LSAMP: variants seen among roughly 807,000 people sequenced by gnomAD.
LSAMP encodes the protein limbic system associated membrane protein.
In LSAMP, 7 loss-of-function variants were observed where a neutral mutation model predicts 38.6. That is an observed-to-expected ratio of 0.18 (90% CI 0.10 to 0.34). The LOEUF (loss-of-function observed/expected upper bound fraction) is 0.34. LSAMP is among the 10% of genes least tolerant of loss of function. The pLI, the probability that LSAMP is intolerant of heterozygous loss-of-function variation, is 1.00. For synonymous variants in LSAMP, 154 were observed against 166.8 expected, an observed-to-expected ratio of 0.92 and a Z score of 0.59; for missense variants, 313 against 420.0, an observed-to-expected ratio of 0.75 and a Z score of 2.23.
intron 3 of LSAMP, among the ~76,000 whole-genome samples, chr3:116,016,622 A>G (rs571783598): frequency 1.3e-5 from 2 of 152,274 alleles, no homozygotes; most frequent in South Asian, 2.1e-4. Context: ...AATATTTTAC[A>G]TTTGTGGGCC....
intron 3 of LSAMP, among the ~76,000 whole-genome samples, chr3:115,922,693 T>C (rs1440016363): frequency 6.6e-6 from 1 of 152,166 alleles, no homozygotes; most frequent in Admixed American, 6.6e-5. Context: ...GACTTGCTTT[T>C]ACTGGGGAAG....
chr3:116,129,834 G>A lies in LSAMP; in HGVS notation c.156-43278C>T, dbSNP rs182459581. On this transcript the variant is annotated intron_variant, in intron 1 of 6. Coordinates refer to ENST00000490035, the MANE Select transcript of LSAMP (RefSeq NM_002338.5). ...GAATCCAGCCCTTCGGGGATGTACCGTCTCTTCTGGAGGTCAGCCCAGTGG... is the reference window on the plus strand; with the variant it reads ...GAATCCAGCCCTTCGGGGATGTACCATCTCTTCTGGAGGTCAGCCCAGTGG... 2.8e-4 allele frequency among the ~76,000 whole-genome samples: 42 copies of A among 152,328 alleles called. No homozygotes were observed. In the East Asian group the frequency reaches 5.8e-3, roughly 21 times the overall value.
At chr3:116,078,831 C>G (rs1172499526) in intron 2 of LSAMP, among the ~76,000 whole-genome samples, 1 of 151,990 alleles carries the variant, frequency 6.6e-6, no homozygotes, top group South Asian at 2.1e-4. Flanking sequence ...TTATATTGTT[C>G]CTTCCTTGCC....
At chr3:115,929,371 G>A (rs953384182) in intron 3 of LSAMP, among the ~76,000 whole-genome samples, 3 of 152,018 alleles carry the variant, frequency 2.0e-5, no homozygotes, top group Admixed American at 6.5e-5. Context: ...AAGGTCACAT[G>A]GAATTCTACT....
At position 116,281,383 on chromosome 3, in the gene LSAMP, T is replaced by A. The variant is rs1233255621; in HGVS notation, c.155+163494A>T. ...TGAGACAATCCTTAGTATACCTTCC[T>A]TTGCATTCATGACAATTACTCATTT... On this transcript the variant is annotated intron_variant, in intron 1 of 6. Coordinates refer to ENST00000490035, the MANE Select transcript of LSAMP (RefSeq NM_002338.5). Among the ~76,000 whole-genome samples the A allele has an allele frequency of 3.9e-5, 6 of 152,198 alleles. No individual in the cohort carries two copies. The South Asian group carries it at 6.2e-4, about 16-fold the overall frequency.
At chr3:116,323,091 G>T (rs1559827914) in intron 1 of LSAMP, among the ~76,000 whole-genome samples, 2 of 152,060 alleles carry the variant, frequency 1.3e-5, no homozygotes, top group Non-Finnish European at 2.9e-5. Context: ...CCATTATAAG[G>T]ATATACTTTC....
intron 1 of LSAMP, among the ~76,000 whole-genome samples, chr3:116,106,952 A>T (rs1016535085): frequency 6.6e-6 from 1 of 152,176 alleles, no homozygotes; most frequent in African/African-American, 2.4e-5. Flanking sequence ...TTCCTTGAGG[A>T]TAGATTTCCA....
At chr3:115,839,713 A>C (rs936026216) in intron 6 of LSAMP, among the ~76,000 whole-genome samples, 1 of 152,196 alleles carries the variant, frequency 6.6e-6, no homozygotes, top group African/African-American at 2.4e-5. Flanking sequence ...CATGCTGCCA[A>C]AGACACAACT....
intron 1 of LSAMP, among the ~76,000 whole-genome samples, chr3:116,343,068 C>A (rs2048018016): frequency 6.6e-6 from 1 of 152,022 alleles, no homozygotes; most frequent in Admixed American, 6.6e-5. Context: ...TGGGTTAGCA[C>A]ACAAAAGTGG....
chr3:115,844,926 G>A (rs1252564346), intron 4 of LSAMP, among the ~76,000 whole-genome samples: 5 of 152,218 alleles, frequency 3.3e-5, no homozygotes, highest in African/African-American at 2.4e-5. Context: ...GCAGTGAGCC[G>A]AGATCGAGCC....
intron 1 of LSAMP, among the ~76,000 whole-genome samples, chr3:116,215,700 T>G (rs983530875): frequency 2.4e-4 from 36 of 152,292 alleles, no homozygotes; most frequent in African/African-American, 8.4e-4. Flanking sequence ...TAGAGAAGAC[T>G]CCTTGAGTTG....
chr3:116,374,094 C>T (rs1290911149), intron 1 of LSAMP, among the ~76,000 whole-genome samples: 1 of 151,860 alleles, frequency 6.6e-6, no homozygotes, highest in East Asian at 1.9e-4. Context: ...AAAACGCCAT[C>T]TATATGGTGC....
intron 3 of LSAMP, among the ~76,000 whole-genome samples, chr3:115,855,087 A>G (rs1034559592): frequency 6.6e-6 from 1 of 152,248 alleles, no homozygotes; most frequent in African/African-American, 2.4e-5. Flanking sequence ...GGTTGGCAAC[A>G]CTGAATTCTT....
At chr3:116,281,174 A>G (rs2047121767) in intron 1 of LSAMP, among the ~76,000 whole-genome samples, 1 of 152,188 alleles carries the variant, frequency 6.6e-6, no homozygotes, top group Non-Finnish European at 1.5e-5. Context: ...ATATTTGTGA[A>G]GGAGAATTTT....
At position 116,355,388 on chromosome 3, in the gene LSAMP, T is replaced by C. The variant is rs143834231; in HGVS notation, c.155+89489A>G. Reference sequence around the variant, plus strand: ...CCTGAGAAAACTGGATATCCATATATAGAAGAATGAGACTTGACACCTGTC... The same window carrying C: ...CCTGAGAAAACTGGATATCCATATACAGAAGAATGAGACTTGACACCTGTC... On this transcript the variant is annotated intron_variant, in intron 1 of 6. Transcript: ENST00000490035. 5.6e-3 allele frequency among the ~76,000 whole-genome samples: 855 copies of C among 152,270 alleles called. 4 individuals are homozygous for C. The highest frequency in any genetic ancestry group is 0.011 in the South Asian group (53 of 4,830).
chr3:116,215,061 C>T (rs567730260), intron 1 of LSAMP, among the ~76,000 whole-genome samples: 6 of 152,266 alleles, frequency 3.9e-5, no homozygotes, highest in African/African-American at 4.8e-5. Flanking sequence ...TCAGTATGTA[C>T]ATAACACTAC....
chr3:115,810,107 A>G lies in LSAMP; in HGVS notation c.*210T>C, dbSNP rs1933768034. On this transcript the variant is annotated 3_prime_UTR_variant, in exon 7 of 7. Transcript: ENST00000490035. ...ACCTTCTCCATCCTGAATGATACAT[A>G]AATTTTTAATGATGGACTGTAAAAT... 3 of 531,590 alleles carry G rather than the reference A, an allele frequency of 5.6e-6. No individual in the cohort carries two copies. In the African/African-American group the frequency reaches 5.7e-5, roughly 10 times the overall value. 32.9% of individuals were successfully genotyped at this position (531,590 alleles called of 1,614,324 possible).
At chr3:116,116,883 C>A (rs1160700498) in intron 1 of LSAMP, among the ~76,000 whole-genome samples, 1 of 152,100 alleles carries the variant, frequency 6.6e-6, no homozygotes, top group Non-Finnish European at 1.5e-5. Context: ...TTCTAACCAG[C>A]CCTATCAAGC....
intron 3 of LSAMP, among the ~76,000 whole-genome samples, chr3:116,004,250 G>C (rs2107664316): frequency 6.6e-6 from 1 of 152,118 alleles, no homozygotes; most frequent in East Asian, 1.9e-4. Context: ...CATGGTCCCT[G>C]TGCTTTGAGG....
Sources: gnomAD v4.1 joint callset for allele counts (sites outside exome capture counted in the v4.1 genomes callset) on GRCh38, gnomAD v4.1.1 for gene constraint, MANE v1.5 for transcripts, NCBI Gene and HGNC (gene_info 2026-07-23, HGNC 2026-07-21) for gene names.